EPC2: variants seen among roughly 807,000 people sequenced by gnomAD.
EPC2 encodes enhancer of polycomb homolog 2.
In EPC2, 14 loss-of-function variants were observed where a neutral mutation model predicts 92.1. The ratio of observed to expected loss-of-function variants is 0.15; its 90% CI spans 0.10 to 0.24. The LOEUF (loss-of-function observed/expected upper bound fraction) is 0.24, where lower values mean the gene tolerates loss of function less well. Ranked by LOEUF, EPC2 falls within the 10% of genes least tolerant of loss-of-function variation. The pLI, the probability that EPC2 is intolerant of heterozygous loss-of-function variation, is 1.00. For missense variants in EPC2, 755 were observed against 971.5 expected (o/e 0.78, Z 2.96); for synonymous variants, 340 against 334.7 (o/e 1.02, Z -0.17).
rs755417047 is a variant in EPC2, at chr2:148,786,378, C to A, written c.*1C>A. 1.2e-6 allele frequency: 2 copies of A among 1,606,310 alleles called. No homozygotes were observed. The highest frequency in any genetic ancestry group is 1.7e-6 in the Non-Finnish European group (2 of 1,176,022). ...AACAGTAGCTATGGAAGTGACATAA[C>A]CTAAAACACGTGGCTCTGACCTGTG... On this transcript the variant is annotated 3_prime_UTR_variant, in exon 14 of 14. Coordinates refer to ENST00000258484, the MANE Select transcript of EPC2 (RefSeq NM_015630.4).
intron 1 of EPC2, among the ~76,000 whole-genome samples, chr2:148,674,678 A>G (rs545732932): frequency 7.2e-5 from 11 of 152,316 alleles, no homozygotes; most frequent in East Asian, 3.9e-4. Flanking sequence ...GGAAGAAGCC[A>G]TAAGTTGTGC....
chr2:148,649,993 C>T (rs185632031), intron 1 of EPC2, among the ~76,000 whole-genome samples: 168 of 152,178 alleles, frequency 1.1e-3, no homozygotes, highest in Non-Finnish European at 9.7e-4. Flanking sequence ...TTGCTTTCCC[C>T]TGTATTGGCA....
intron 1 of EPC2, among the ~76,000 whole-genome samples, chr2:148,647,814 G>A (rs976210109): frequency 5.3e-5 from 8 of 151,588 alleles, no homozygotes; most frequent in Admixed American, 5.2e-4. Context: ...TGTATTTTTA[G>A]TAGAGACGAG....
intron 2 of EPC2, among the ~76,000 whole-genome samples, chr2:148,720,489 T>TA (rs1015393722): frequency 1.3e-5 from 2 of 152,210 alleles, no homozygotes; most frequent in Non-Finnish European, 2.9e-5. Context: ...CCTCCCGCCT[T>TA]GTCTGAGTTG....
intron 1 of EPC2, among the ~76,000 whole-genome samples, chr2:148,648,492 A>G (rs772707531): frequency 6.6e-5 from 10 of 152,156 alleles, no homozygotes; most frequent in Non-Finnish European, 1.5e-4. Context: ...TTTTTATAAG[A>G]TTTTTTTCTT....
At chr2:148,698,863 GTGTA>G (rs1681812758) in intron 2 of EPC2, among the ~76,000 whole-genome samples, 1 of 143,680 alleles carries the variant, frequency 7.0e-6, no homozygotes, top group Non-Finnish European at 1.5e-5. Flanking sequence ...ATTATACTCT[GTGTA>G]TGTGTGTATG....
At chr2:148,719,236 T>C (rs769161892) in intron 2 of EPC2, among the ~76,000 whole-genome samples, 20 of 152,182 alleles carry the variant, frequency 1.3e-4, no homozygotes, top group Non-Finnish European at 2.2e-4. Context: ...GAAGTCTACT[T>C]CTGTCATTTC....
At chr2:148,751,136 G>A (rs1660629541) in intron 3 of EPC2, among the ~76,000 whole-genome samples, 1 of 151,828 alleles carries the variant, frequency 6.6e-6, no homozygotes, top group African/African-American at 2.4e-5. Flanking sequence ...ATGGGCTGAT[G>A]GTAGTTAATT....
chr2:148,671,298 T>C (rs1681149421), intron 1 of EPC2, among the ~76,000 whole-genome samples: 1 of 151,526 alleles, frequency 6.6e-6, no homozygotes, highest in Non-Finnish European at 1.5e-5. Flanking sequence ...TTTTTTTTTT[T>C]TTTTTTTTTG....
At chr2:148,741,333 A>G (rs1406997006) in intron 2 of EPC2, among the ~76,000 whole-genome samples, 1 of 152,180 alleles carries the variant, frequency 6.6e-6, no homozygotes, top group Non-Finnish European at 1.5e-5. Context: ...ATATAAGTTT[A>G]TAAGTGCTAG....
chr2:148,718,747 T>G (rs760848491), intron 2 of EPC2, among the ~76,000 whole-genome samples: 1 of 152,176 alleles, frequency 6.6e-6, no homozygotes, highest in Non-Finnish European at 1.5e-5. Flanking sequence ...AGTATCTTAC[T>G]GGGGTTCTCT....
intron 2 of EPC2, chr2:148,691,474 C>T: frequency 6.5e-7 from 1 of 1,532,012 alleles, no homozygotes; most frequent in South Asian, 1.2e-5. Flanking sequence ...ACATCACCAG[C>T]TTTAAGACTG....
intron 1 of EPC2, among the ~76,000 whole-genome samples, chr2:148,646,924 G>C (rs1839198): frequency 6.6e-6 from 1 of 151,882 alleles, no homozygotes; most frequent in African/African-American, 2.4e-5. Context: ...AGCCTGGCCA[G>C]TATGGTGAAA....
At chr2:148,691,230 A>G (rs1276766050) in intron 2 of EPC2, among the ~76,000 whole-genome samples, 2 of 152,166 alleles carry the variant, frequency 1.3e-5, no homozygotes, top group Non-Finnish European at 2.9e-5. Context: ...TCTCTCCAAA[A>G]GAACTTCTAG....
intron 1 of EPC2, among the ~76,000 whole-genome samples, chr2:148,686,445 T>C (rs1681526581): frequency 6.6e-6 from 1 of 152,250 alleles, no homozygotes; most frequent in Non-Finnish European, 1.5e-5. Flanking sequence ...TAGAATTCCC[T>C]TCTTTCAAAC....
intron 1 of EPC2, among the ~76,000 whole-genome samples, chr2:148,647,065 G>T (rs1683818484): frequency 6.6e-6 from 1 of 151,964 alleles, no homozygotes; most frequent in Non-Finnish European, 1.5e-5. Context: ...AGCAGAGATC[G>T]TGCCACTGCA....
chr2:148,731,427 A>C (rs1167884762), intron 2 of EPC2, among the ~76,000 whole-genome samples: 1 of 151,808 alleles, frequency 6.6e-6, no homozygotes, highest in Non-Finnish European at 1.5e-5. Context: ...TTTGAGGTGG[A>C]GTTTCACTCT....
chr2:148,775,994 G>T (rs1484817085), intron 10 of EPC2, among the ~76,000 whole-genome samples: 1 of 151,774 alleles, frequency 6.6e-6, no homozygotes, highest in Non-Finnish European at 1.5e-5. Flanking sequence ...TGTTAGCCAG[G>T]ATGGTCTCGA....
rs998192713 is a variant in EPC2 at position 148,740,811 on chromosome 2, A to G, written c.314-2811A>G. On this transcript the variant is annotated intron_variant, in intron 2 of 13. Transcript: ENST00000258484. ...TAAATCTTTCTCTAAAATGTCTTCT[A>G]GCTGTATCAACTACCTGATTTTATT... 6.6e-4 allele frequency among the ~76,000 whole-genome samples: 100 copies of G among 152,328 alleles called. 1 individual carries two copies. The highest frequency in any genetic ancestry group is 2.2e-3 in the African/African-American group (93 of 41,584).
Sources: gnomAD v4.1 joint callset for allele counts (sites outside exome capture counted in the v4.1 genomes callset) on GRCh38, gnomAD v4.1.1 for gene constraint, MANE v1.5 for transcripts, NCBI Gene and HGNC (gene_info 2026-07-23, HGNC 2026-07-21) for gene names.